The following LRP1B variants were observed in gnomAD, a reference collection of about 807,000 sequenced individuals.
LRP1B encodes the protein low-density lipoprotein receptor-related protein 1B.
A neutral mutation model predicts 556.6 loss-of-function variants in LRP1B; 217 were observed. The ratio of observed to expected loss-of-function variants is 0.39; its 90% confidence interval spans 0.35 to 0.44. LRP1B has a LOEUF of 0.44. Among genes scored for constraint, LRP1B ranks in the 20% least tolerant of loss-of-function variants. The probability of loss-of-function intolerance (pLI) is 1.00; values close to 1 mark genes in which losing one functional copy is unlikely to be tolerated. For missense variants in LRP1B, 5,053 were observed against 5,620.8 expected, an observed-to-expected ratio of 0.90 and a Z score of 3.23; for synonymous variants, 2,047 against 1,865.8, an observed-to-expected ratio of 1.10 and a Z score of -2.50.
At chr2:141,391,528 A>T (rs1447639922) in intron 3 of LRP1B, among the ~76,000 whole-genome samples, 1 of 152,154 alleles carries the variant, frequency 6.6e-6, no homozygotes, top group Non-Finnish European at 1.5e-5. Flanking sequence ...GTGAAAGGAA[A>T]GGGTAAATGA....
chr2:140,670,682 G>A (rs1574221026), intron 41 of LRP1B, among the ~76,000 whole-genome samples: 1 of 55,920 alleles, frequency 1.8e-5, no homozygotes. Flanking sequence ...ATAAGTCATC[G>A]TATACAAAAA....
chr2:142,004,849 C>A, intron 1 of LRP1B, among the ~76,000 whole-genome samples: 1 of 151,752 alleles, frequency 6.6e-6, no homozygotes, highest in Admixed American at 6.6e-5. Context: ...AAGACTCCAT[C>A]TCAAAAAAAA....
At chr2:140,791,924 T>C (rs1166601479) in intron 32 of LRP1B, among the ~76,000 whole-genome samples, 1 of 152,198 alleles carries the variant, frequency 6.6e-6, no homozygotes, top group African/African-American at 2.4e-5. Context: ...TTTTTCTACC[T>C]GAAAGTAGGG....
intron 1 of LRP1B, among the ~76,000 whole-genome samples, chr2:141,897,643 C>T (rs1699494216): frequency 6.6e-6 from 1 of 152,104 alleles, no homozygotes; most frequent in Admixed American, 6.6e-5. Context: ...TCAGAAATGG[C>T]ATACATATCA....
chr2:140,292,060 GTGA>G (rs1159678528), intron 84 of LRP1B, among the ~76,000 whole-genome samples: 5 of 152,174 alleles, frequency 3.3e-5, no homozygotes, highest in Admixed American at 6.5e-5. Context: ...CTGATGGCCA[GTGA>G]TGATGAGCAT....
At chr2:140,649,298 C>T (rs1395966934) in intron 41 of LRP1B, among the ~76,000 whole-genome samples, 1 of 152,148 alleles carries the variant, frequency 6.6e-6, no homozygotes, top group Admixed American at 6.5e-5. Context: ...AATTTCTGTC[C>T]ATTTCATTCT....
chr2:141,967,920 A>G (rs1701606813), intron 1 of LRP1B, among the ~76,000 whole-genome samples: 1 of 151,848 alleles, frequency 6.6e-6, no homozygotes, highest in Non-Finnish European at 1.5e-5. Context: ...GTTAATTTTT[A>G]TCATAGTATA....
chr2:140,324,188 G>GAATA, intron 80 of LRP1B, 122 bp from the exon 81 acceptor site: 1 of 551,396 alleles, frequency 1.8e-6, no homozygotes, highest in Non-Finnish European at 3.2e-6. Flanking sequence ...TTCAGAATTG[G>GAATA]AATATTTACA....
chr2:140,897,268 GAAGCTA>G, intron 23 of LRP1B, among the ~76,000 whole-genome samples: 1 of 152,202 alleles, frequency 6.6e-6, no homozygotes, highest in South Asian at 2.1e-4. Flanking sequence ...GAAGCCCTAA[GAAGCTA>G]CCTCAGAAGC....
intron 1 of LRP1B, among the ~76,000 whole-genome samples, chr2:142,101,766 C>T (rs202076497): frequency 6.6e-6 from 1 of 151,894 alleles, no homozygotes; most frequent in Non-Finnish European, 1.5e-5. Flanking sequence ...TATATGGTTT[C>T]TGATTATTTT....
At chr2:141,083,430 C>T (rs1699973915) in intron 7 of LRP1B, among the ~76,000 whole-genome samples, 1 of 149,898 alleles carries the variant, frequency 6.7e-6, no homozygotes, top group Non-Finnish European at 1.5e-5. Flanking sequence ...TAGCACAGTA[C>T]TAAATAAGAT....
chr2:140,397,189 C>A (rs990538810), intron 66 of LRP1B, among the ~76,000 whole-genome samples: 1 of 152,066 alleles, frequency 6.6e-6, no homozygotes, highest in Non-Finnish European at 1.5e-5. Flanking sequence ...TTTCTAATCT[C>A]TATTTTTAAG....
rs534799363 is a variant in LRP1B at position 142,042,701 on chromosome 2, G to A, written c.82+87947C>T. Among the ~76,000 whole-genome samples, 3 of 151,586 alleles carry A rather than the reference G, an allele frequency of 2.0e-5. No individual in the cohort carries two copies. The South Asian group carries it at 6.2e-4, about 31-fold the overall frequency. ...AAAAACATATTGCCTGGTTAAAAAT[G>A]TTGAAATGTGTTGGTCTAACCACCT... On this transcript the variant is annotated intron_variant, in intron 1 of 90. Transcript: ENST00000389484.
In LRP1B at chr2:140,698,061, GT is replaced by G. The variant is rs561793708; in HGVS notation, c.6799+2188del. ...GTGTAAACTATACCTAAATAAAATGGTTTTTTTTTTTAAGCTGCTTATTTTG... is the reference window on the plus strand; with the variant it reads ...GTGTAAACTATACCTAAATAAAATGGTTTTTTTTTTAAGCTGCTTATTTTG... On this transcript the variant is annotated intron_variant, in intron 41 of 90. Transcript: ENST00000389484. 4.6e-3 allele frequency among the ~76,000 whole-genome samples: 678 copies of G among 146,486 alleles called. 4 individuals carry two copies. The highest frequency in any genetic ancestry group is 0.014 in the African/African-American group (569 of 40,166).
rs1198453990 is a variant in LRP1B at position 141,517,028 on chromosome 2, A to AC, written c.206-36496_206-36495insG. Among the ~76,000 whole-genome samples, 1,260 of 138,702 alleles carry AC rather than the reference A, an allele frequency of 9.1e-3. 118 individuals carry two copies. Among genetic ancestry groups the AC allele is most frequent in the African/African-American group, 0.035 (1,166 of 33,708 alleles). The allele number at this position is 138,702 out of a possible 152,430, so 91.0% of individuals were successfully genotyped here. On this transcript the variant is annotated intron_variant, in intron 2 of 90. Coordinates refer to ENST00000389484, the MANE Select transcript of LRP1B (RefSeq NM_018557.3). Reference sequence around the variant, plus strand: ...TTAAAAAAAAAAAAAAAAAAAAAAAAAAAAGTAAATCAATGAAATAATTTA... The same window carrying AC: ...TTAAAAAAAAAAAAAAAAAAAAAAAACAAAAGTAAATCAATGAAATAATTTA...
chr2:141,888,509 T>G (rs770293098), intron 1 of LRP1B, among the ~76,000 whole-genome samples: 4 of 152,158 alleles, frequency 2.6e-5, no homozygotes, highest in Non-Finnish European at 5.9e-5. Context: ...CTACTGTACT[T>G]CTGTTTCTGA....
At chr2:140,878,123 A>C (rs2105176327) in intron 25 of LRP1B, among the ~76,000 whole-genome samples, 1 of 152,302 alleles carries the variant, frequency 6.6e-6, no homozygotes, top group Non-Finnish European at 1.5e-5. Flanking sequence ...CCAGAGGACA[A>C]TGTACTGATA....
chr2:141,694,654 A>T (rs1691668978), intron 2 of LRP1B, among the ~76,000 whole-genome samples: 1 of 152,030 alleles, frequency 6.6e-6, no homozygotes, highest in African/African-American at 2.4e-5. Context: ...TTCAAAAAAA[A>T]AAAAAGCACA....
intron 53 of LRP1B, among the ~76,000 whole-genome samples, chr2:140,503,362 A>T (rs1326574676): frequency 6.6e-6 from 1 of 152,076 alleles, no homozygotes; most frequent in Non-Finnish European, 1.5e-5. Flanking sequence ...GTGACCCTTG[A>T]CTATACCATT....
Sources: allele counts gnomAD v4.1 joint callset (sites outside exome capture counted in the v4.1 genomes callset), GRCh38; gene constraint gnomAD v4.1.1; transcripts MANE v1.5; gene names NCBI Gene and HGNC (gene_info 2026-07-23, HGNC 2026-07-21).